The following RBFOX1 variants were observed in gnomAD, a reference collection of about 807,000 sequenced individuals.
RBFOX1 encodes the protein RNA binding fox-1 homolog 1, also known as RNA binding protein fox-1 homolog 1.
RBFOX1 carries 8 observed loss-of-function variants against 57.7 expected under a neutral mutation model. That is an observed-to-expected ratio of 0.14 (90% CI 0.08 to 0.25). The LOEUF (loss-of-function observed/expected upper bound fraction) is 0.25. RBFOX1 is among the 10% of genes least tolerant of loss of function. The pLI, the probability that RBFOX1 is intolerant of heterozygous loss-of-function variation, is 1.00. For synonymous variants in RBFOX1, 326 were observed against 222.4 expected (o/e 1.47, Z -4.15); for missense variants, 611 against 548.5 (o/e 1.11, Z -1.14).
At chr16:7,164,968 A>T (rs2079117462) in intron 4 of RBFOX1, among the ~76,000 whole-genome samples, 1 of 152,206 alleles carries the variant, frequency 6.6e-6, no homozygotes. Context: ...CGTGTATCAC[A>T]GTAACCTCTC....
intron 1 of RBFOX1, among the ~76,000 whole-genome samples, chr16:5,433,034 T>G (rs1371399525): frequency 6.6e-6 from 1 of 152,106 alleles, no homozygotes; most frequent in Non-Finnish European, 1.5e-5. Flanking sequence ...TATTCCAGGT[T>G]AAATGTTTAT....
rs1016335976 is a variant in RBFOX1, at chr16:5,350,703, T to G, written c.219+110598T>G. ...CAACATGGTGAAACCCCGTCTCTAGTGAAAATACAAAAAATAGCCAGGCAT... is the reference window on the plus strand; with the variant it reads ...CAACATGGTGAAACCCCGTCTCTAGGGAAAATACAAAAAATAGCCAGGCAT... On this transcript the variant is annotated intron_variant, in intron 1 of 2. Transcript: ENST00000585867. 5.3e-5 allele frequency among the ~76,000 whole-genome samples: 8 copies of G among 151,978 alleles called. No homozygotes were observed. In the East Asian group the frequency reaches 1.2e-3, roughly 22 times the overall value.
rs556641849 is a variant in RBFOX1, at chr16:7,240,112, A to T, written c.27+188014A>T. Among the ~76,000 whole-genome samples the T allele has an allele frequency of 3.5e-3, 538 of 152,138 alleles. 5 individuals are homozygous for T. The highest frequency in any genetic ancestry group is 0.013 in the African/African-American group (522 of 41,516). On this transcript the variant is annotated intron_variant, in intron 4 of 15. Coordinates refer to ENST00000550418, the MANE Select transcript of RBFOX1 (RefSeq NM_018723.4). Reference sequence around the variant, plus strand: ...CTCTTGAGTAGCTGGGATTACGGGCACCCGCCACCACGCCTGGCTAATTTT... The same window carrying T: ...CTCTTGAGTAGCTGGGATTACGGGCTCCCGCCACCACGCCTGGCTAATTTT...
chr16:7,226,261 A>G (rs2093111876), intron 4 of RBFOX1, among the ~76,000 whole-genome samples: 1 of 152,240 alleles, frequency 6.6e-6, no homozygotes, highest in South Asian at 2.1e-4. Context: ...GGTTGGCTTC[A>G]AGGATGAATC....
chr16:7,591,328 G>C (rs547658897), intron 7 of RBFOX1, among the ~76,000 whole-genome samples: 5 of 152,182 alleles, frequency 3.3e-5, no homozygotes, highest in South Asian at 2.1e-4. Context: ...CCAGAAACTA[G>C]AGGACTGGAT....
At chr16:7,613,668 T>C (rs1380501086) in intron 10 of RBFOX1, among the ~76,000 whole-genome samples, 1 of 152,148 alleles carries the variant, frequency 6.6e-6, no homozygotes. Context: ...TGAACCATGA[T>C]TCATCTCAGA....
chr16:7,149,210 C>G (rs1283037736), intron 4 of RBFOX1, among the ~76,000 whole-genome samples: 2 of 152,100 alleles, frequency 1.3e-5, no homozygotes, highest in Non-Finnish European at 2.9e-5. Flanking sequence ...TATTCAGAGT[C>G]AAGACTGCTG....
At chr16:7,505,940 C>T (rs1043478716) in intron 4 of RBFOX1, among the ~76,000 whole-genome samples, 1 of 152,034 alleles carries the variant, frequency 6.6e-6, no homozygotes, top group Admixed American at 6.6e-5. Flanking sequence ...AATCCGAGCA[C>T]TTTGGGAGGC....
chr16:5,613,594 C>A (rs947100057), intron 3 of RBFOX1, among the ~76,000 whole-genome samples: 1 of 152,086 alleles, frequency 6.6e-6, no homozygotes, highest in Non-Finnish European at 1.5e-5. Context: ...GCCAGCATGT[C>A]AAGTTCATTT....
chr16:6,556,945 A>G (rs1264679835), intron 2 of RBFOX1, among the ~76,000 whole-genome samples: 1 of 149,946 alleles, frequency 6.7e-6, no homozygotes, highest in African/African-American at 2.4e-5. Context: ...TGAGCCATGT[A>G]TTAAATATTC....
chr16:5,619,755 C>T (rs1034908), intron 3 of RBFOX1, among the ~76,000 whole-genome samples: 11,518 of 152,172 alleles, frequency 0.076, 1,418 homozygotes, highest in African/African-American at 0.26. Context: ...GAGTAAGCTG[C>T]TTCCCTTCTC....
intron 3 of RBFOX1, among the ~76,000 whole-genome samples, chr16:5,839,305 C>G (rs956767696): frequency 6.6e-6 from 1 of 152,144 alleles, no homozygotes; most frequent in Admixed American, 6.5e-5. Context: ...CCAGAAATCT[C>G]ATATTTCTGT....
chr16:6,488,159 G>C (rs2095547895), intron 2 of RBFOX1, among the ~76,000 whole-genome samples: 1 of 152,284 alleles, frequency 6.6e-6, no homozygotes, highest in Admixed American at 6.5e-5. Context: ...GAAGGCCTCT[G>C]CCAGCCCTTC....
At chr16:6,626,502 G>A (rs1422540969) in intron 2 of RBFOX1, among the ~76,000 whole-genome samples, 1 of 152,238 alleles carries the variant, frequency 6.6e-6, no homozygotes, top group Non-Finnish European at 1.5e-5. Context: ...GCTTATGCCT[G>A]TAATCCCAGC....
At chr16:5,803,877 A>C (rs890145861) in intron 3 of RBFOX1, among the ~76,000 whole-genome samples, 88 of 152,136 alleles carry the variant, frequency 5.8e-4, no homozygotes, top group African/African-American at 2.0e-3. Context: ...AATGCGCACC[A>C]GTAATCAGAC....
intron 1 of RBFOX1, among the ~76,000 whole-genome samples, chr16:6,301,946 G>T (rs1599384742): frequency 6.6e-6 from 1 of 152,004 alleles, no homozygotes; most frequent in African/African-American, 2.4e-5. Context: ...GGTTCCAAGG[G>T]GTCTGTAAAT....
intron 12 of RBFOX1, among the ~76,000 whole-genome samples, chr16:7,657,318 T>G (rs1215572961): frequency 6.6e-6 from 1 of 152,160 alleles, no homozygotes; most frequent in African/African-American, 2.4e-5. Flanking sequence ...AAAAAAATTT[T>G]TTTTGAGACG....
At chr16:6,899,019 CTG>C (rs1177220549) in intron 3 of RBFOX1, among the ~76,000 whole-genome samples, 10 of 150,370 alleles carry the variant, frequency 6.7e-5, no homozygotes, top group East Asian at 2.0e-4. Context: ...ATGCGCGTCT[CTG>C]TGTGTGTGTA....
chr16:6,056,623 G>C (rs1026935100), intron 1 of RBFOX1, among the ~76,000 whole-genome samples: 3 of 152,172 alleles, frequency 2.0e-5, no homozygotes, highest in African/African-American at 7.2e-5. Flanking sequence ...GCTGTTACCA[G>C]GAGAGGAGAC....
Sources: allele counts gnomAD v4.1 joint callset (sites outside exome capture counted in the v4.1 genomes callset), GRCh38; gene constraint gnomAD v4.1.1; transcripts MANE v1.5; gene names NCBI Gene and HGNC (gene_info 2026-07-23, HGNC 2026-07-21).